The following TNFRSF21 variants were observed in gnomAD, a reference collection of about 807,000 sequenced individuals.
The protein encoded by TNFRSF21 is TNF receptor superfamily member 21, also known as tumor necrosis factor receptor superfamily member 21.
TNFRSF21 carries 19 observed loss-of-function variants against 45.6 expected under a neutral mutation model. That is an observed-to-expected ratio of 0.42 (90% confidence interval 0.29 to 0.61). The LOEUF is 0.61. Ranked by LOEUF, TNFRSF21 falls within the 20% of genes least tolerant of loss-of-function variation. The pLI is 0.23. For missense variants in TNFRSF21, 737 were observed against 851.5 expected, an observed-to-expected ratio of 0.87 and a Z score of 1.67; for synonymous variants, 314 against 335.5, an observed-to-expected ratio of 0.94 and a Z score of 0.70.
intron 1 of TNFRSF21, among the ~76,000 whole-genome samples, chr6:47,305,852 C>T (rs1312917122): frequency 6.6e-6 from 1 of 152,196 alleles, no homozygotes; most frequent in Non-Finnish European, 1.5e-5. Context: ...CCTACCTATG[C>T]AGTTAAAGCG....
chr6:47,274,546 C>T (rs1256779853), intron 3 of TNFRSF21, among the ~76,000 whole-genome samples: 2 of 152,114 alleles, frequency 1.3e-5, no homozygotes, highest in East Asian at 3.8e-4. Flanking sequence ...TAGAAGAAAA[C>T]CTAGGCAATA....
intron 4 of TNFRSF21, among the ~76,000 whole-genome samples, chr6:47,242,362 C>T (rs1764757055): frequency 6.6e-6 from 1 of 152,076 alleles, no homozygotes; most frequent in Admixed American, 6.5e-5. Flanking sequence ...CTTAAATACC[C>T]CAAACTCAAA....
Position 47,242,542 on chromosome 6 carries a change from T to G in TNFRSF21, c.1510-7644A>C, listed in dbSNP as rs149872524. Among the ~76,000 whole-genome samples, 413 of 152,262 alleles carry G rather than the reference T, an allele frequency of 2.7e-3. 6 individuals are homozygous for G. The highest frequency in any genetic ancestry group is 9.8e-3 in the African/African-American group (406 of 41,546). ...GCAAGAGAGCTGTGCCTTTCCTGTA[T>G]GTACAGGAGAAAAGCCACAACAAAT... On this transcript the variant is annotated intron_variant, in intron 4 of 5. Transcript: ENST00000296861.
chr6:47,289,317 C>T (rs9463322), intron 1 of TNFRSF21, among the ~76,000 whole-genome samples: 6,670 of 152,232 alleles, frequency 0.044, 489 homozygotes, highest in African/African-American at 0.15. Context: ...CAATTCTCTC[C>T]TACCCCAAAA....
At chr6:47,296,681 T>C (rs958313277) in intron 1 of TNFRSF21, among the ~76,000 whole-genome samples, 2 of 152,164 alleles carry the variant, frequency 1.3e-5, no homozygotes, top group African/African-American at 4.8e-5. Context: ...CCAAAAGGAC[T>C]GGGGTTTGGA....
At chr6:47,263,676 C>CA (rs1170619044) in intron 3 of TNFRSF21, among the ~76,000 whole-genome samples, 1 of 152,206 alleles carries the variant, frequency 6.6e-6, no homozygotes, top group African/African-American at 2.4e-5. Context: ...GAGAACTGAA[C>CA]AGTGGCATTA....
Position 47,244,323 on chromosome 6 carries a change from C to CA in TNFRSF21, c.1509+8932dup, listed in dbSNP as rs764763953. Among the ~76,000 whole-genome samples the CA allele has an allele frequency of 5.3e-3, 398 of 75,438 alleles. 3 individuals are homozygous for CA. The highest frequency in any genetic ancestry group is 8.5e-3 in the South Asian group (18 of 2,118). The allele number at this position is 75,438 out of a possible 152,430, so 49.5% of individuals were successfully genotyped here. A position where few individuals can be genotyped will look rare whatever the true frequency, so the allele number is the denominator to read the frequency against. Reference sequence around the variant, plus strand: ...TGGGCGACACAGCAAGACTCCGTCTCAAAAAAAAAAAAAAAAAAAAGGCTT... The same window carrying CA: ...TGGGCGACACAGCAAGACTCCGTCTCAAAAAAAAAAAAAAAAAAAAAGGCTT... On this transcript the variant is annotated intron_variant, in intron 4 of 5. Transcript: ENST00000296861.
At chr6:47,284,503 TGGTC>T in intron 2 of TNFRSF21, 71 bp from the exon 3 acceptor site, 1 of 1,447,464 alleles carries the variant, frequency 6.9e-7, no homozygotes, top group Non-Finnish European at 9.1e-7. Context: ...CTCCTTTCCC[TGGTC>T]ATCTCCAAGC....
chr6:47,297,757 A>C (rs1259723862), intron 1 of TNFRSF21, among the ~76,000 whole-genome samples: 1 of 152,150 alleles, frequency 6.6e-6, no homozygotes, highest in Non-Finnish European at 1.5e-5. Flanking sequence ...TCCTGGCCTC[A>C]AGTGATCCGC....
chr6:47,258,441 T>TA, intron 3 of TNFRSF21, among the ~76,000 whole-genome samples: 1 of 148,764 alleles, frequency 6.7e-6, no homozygotes. Context: ...AAGACCACAG[T>TA]AACTTTTGCA....
intron 3 of TNFRSF21, among the ~76,000 whole-genome samples, chr6:47,278,321 T>C (rs950261106): frequency 2.0e-5 from 3 of 152,160 alleles, no homozygotes; most frequent in Non-Finnish European, 1.5e-5. Context: ...TAAAAGCATA[T>C]GTAGATTACT....
chr6:47,293,052 C>T (rs960414853), intron 1 of TNFRSF21, among the ~76,000 whole-genome samples: 3 of 152,194 alleles, frequency 2.0e-5, no homozygotes, highest in Admixed American at 2.0e-4. Flanking sequence ...CCCTGTAAAG[C>T]CTTTAAAACT....
chr6:47,270,835 G>A (rs939182143), intron 3 of TNFRSF21, among the ~76,000 whole-genome samples: 1 of 152,170 alleles, frequency 6.6e-6, no homozygotes, highest in Admixed American at 6.5e-5. Context: ...ACCTGATGGA[G>A]CTGAAAACCA....
At chr6:47,254,754 C>A (rs980054348) in intron 3 of TNFRSF21, among the ~76,000 whole-genome samples, 2 of 152,134 alleles carry the variant, frequency 1.3e-5, no homozygotes, top group African/African-American at 4.8e-5. Context: ...ACTTGGCTTG[C>A]ATAGTTATAA....
chr6:47,266,752 G>A (rs778207444), intron 3 of TNFRSF21, among the ~76,000 whole-genome samples: 5 of 152,094 alleles, frequency 3.3e-5, no homozygotes, highest in Admixed American at 6.6e-5. Flanking sequence ...TTGCATCTCC[G>A]AAGGAAAGGA....
intron 1 of TNFRSF21, among the ~76,000 whole-genome samples, chr6:47,287,600 A>T (rs983774020): frequency 6.6e-6 from 1 of 152,186 alleles, no homozygotes; most frequent in Non-Finnish European, 1.5e-5. Context: ...GTAAGAAATC[A>T]GTTGAAATTT....
At chr6:47,238,694 C>A (rs1022822798) in intron 4 of TNFRSF21, among the ~76,000 whole-genome samples, 3 of 152,196 alleles carry the variant, frequency 2.0e-5, no homozygotes, top group Admixed American at 6.5e-5. Context: ...ACCTAAAGCT[C>A]TGCTGCTGAC....
At chr6:47,263,932 T>C (rs907626906) in intron 3 of TNFRSF21, among the ~76,000 whole-genome samples, 2 of 152,242 alleles carry the variant, frequency 1.3e-5, no homozygotes, top group Non-Finnish European at 2.9e-5. Flanking sequence ...TTTACCTATT[T>C]GTTAAAATTT....
chr6:47,258,537 G>A (rs1765022630), intron 3 of TNFRSF21, among the ~76,000 whole-genome samples: 1 of 151,666 alleles, frequency 6.6e-6, no homozygotes, highest in African/African-American at 2.4e-5. Context: ...TGCCTCCTAG[G>A]TTCAAGAGAT....
Sources: gnomAD v4.1 joint callset for allele counts (sites outside exome capture counted in the v4.1 genomes callset) on GRCh38, gnomAD v4.1.1 for gene constraint, MANE v1.5 for transcripts, NCBI Gene and HGNC (gene_info 2026-07-23, HGNC 2026-07-21) for gene names.